Variants in SETX observed in about 807,000 individuals in gnomAD.
The protein encoded by SETX is helicase senataxin.
SETX carries 90 observed loss-of-function variants against 227.2 expected under a neutral mutation model. That is an observed-to-expected ratio of 0.40 (90% CI 0.33 to 0.47). SETX has a LOEUF of 0.47. Among genes scored for constraint, SETX ranks in the 20% least tolerant of loss-of-function variants. SETX has a pLI of 0.91. For synonymous variants in SETX, 1,210 were observed against 1,113.2 expected (o/e 1.09, Z -1.73); for missense variants, 3,052 against 3,181.5 (o/e 0.96, Z 0.98).
intron 10 of SETX, among the ~76,000 whole-genome samples, chr9:132,315,112 CAA>C (rs1845894650): frequency 6.6e-6 from 1 of 151,876 alleles, no homozygotes; most frequent in South Asian, 2.1e-4. Context: ...AGGGTTTCAC[CAA>C]AGTTGGCCAG....
intron 15 of SETX, among the ~76,000 whole-genome samples, chr9:132,290,574 CAAAAAAAAAAAAA>C (rs59954158): frequency 2.2e-5 from 1 of 44,722 alleles, no homozygotes; most frequent in African/African-American, 5.8e-5. Context: ...GACTCCGTCT[CAAAAAAAAAAAAA>C]AAAAAAAAAA....
intron 11 of SETX, among the ~76,000 whole-genome samples, chr9:132,302,178 A>C (rs1344250070): frequency 6.6e-6 from 1 of 151,730 alleles, no homozygotes; most frequent in Non-Finnish European, 1.5e-5. Context: ...CAACACGGTG[A>C]AACCCCGTCT....
chr9:132,280,876 T>C (rs970574773), intron 20 of SETX, among the ~76,000 whole-genome samples: 3 of 152,206 alleles, frequency 2.0e-5, no homozygotes, highest in African/African-American at 7.2e-5. Context: ...AGTCTGGTTC[T>C]TCTCTTCCCA....
At chr9:132,283,092 G>A (rs1346038784) in intron 19 of SETX, 172 bp downstream of exon 19, 1 of 800,480 alleles carries the variant, frequency 1.2e-6, no homozygotes, top group African/African-American at 1.7e-5. Flanking sequence ...CTTTCACTAT[G>A]GAGGGTCATT....
chr9:132,281,249 C>T (rs529278500), intron 20 of SETX, among the ~76,000 whole-genome samples: 98 of 152,250 alleles, frequency 6.4e-4, no homozygotes, highest in Middle Eastern at 3.4e-3. Context: ...GTCCCTGCCA[C>T]ACTGCTTCTG....
intron 15 of SETX, among the ~76,000 whole-genome samples, chr9:132,295,552 T>C (rs1471286220): frequency 6.6e-6 from 1 of 152,164 alleles, no homozygotes; most frequent in Non-Finnish European, 1.5e-5. Flanking sequence ...CTCACACAAC[T>C]GAATCAGGGT....
At chr9:132,271,155 T>C (rs1842881120) in intron 24 of SETX, among the ~76,000 whole-genome samples, 1 of 152,164 alleles carries the variant, frequency 6.6e-6, no homozygotes, top group Non-Finnish European at 1.5e-5. Flanking sequence ...CAGAAAACAA[T>C]GACACTTTGA....
intron 23 of SETX, 81 bp from the exon 24 acceptor site, chr9:132,271,889 T>G (rs1019032401): frequency 1.9e-5 from 16 of 824,822 alleles, no homozygotes; most frequent in South Asian, 3.6e-5. Context: ...AGTTTTTTGG[T>G]TTTTTTTTTT....
chr9:132,272,625 C>T (rs915158280), intron 23 of SETX, among the ~76,000 whole-genome samples: 2 of 152,156 alleles, frequency 1.3e-5, no homozygotes, highest in African/African-American at 4.8e-5. Context: ...ATTTTAAAAA[C>T]ATTTTCTTGG....
chr9:132,328,456 G>T lies in SETX; in HGVS notation c.3142C>A (p.Gln1048Lys). The change falls in exon 10 of 26, where the codon CAG becomes AAG. Residue 1048 changes from glutamine to lysine, a missense_variant. By Grantham distance (53) the Gln-to-Lys change is moderately conservative. Coordinates refer to ENST00000224140, the MANE Select transcript of SETX (RefSeq NM_015046.7). ...KICLEREHPE[Q>K]HVSTVNSKEE... ...TTACTATTAACTGTTGAAACGTGCT[G>T]CTCTGGATGTTCCCTCTCAAGGCAT... 1 of 1,613,666 alleles carries T rather than the reference G, an allele frequency of 6.2e-7. No individual in the cohort carries two copies. The highest frequency in any genetic ancestry group is 8.5e-7 in the Non-Finnish European group (1 of 1,179,952).
intron 5 of SETX, among the ~76,000 whole-genome samples, chr9:132,342,051 C>T (rs112397758): frequency 6.6e-6 from 1 of 151,970 alleles, no homozygotes; most frequent in Non-Finnish European, 1.5e-5. Flanking sequence ...TTTTAAAAAA[C>T]GTAATTTTTC....
intron 12 of SETX, among the ~76,000 whole-genome samples, chr9:132,299,647 A>G (rs879451314): frequency 6.6e-6 from 1 of 152,232 alleles, no homozygotes; most frequent in Non-Finnish European, 1.5e-5. Flanking sequence ...GCAATTGCCA[A>G]AAAGGCAGTT....
At chr9:132,309,269 C>A (rs1002667201) in intron 11 of SETX, among the ~76,000 whole-genome samples, 2 of 152,072 alleles carry the variant, frequency 1.3e-5, no homozygotes, top group South Asian at 4.1e-4. Context: ...TCAAGAAGAA[C>A]AGACTGATGC....
At chr9:132,282,312 T>G (rs970153157) in intron 19 of SETX, among the ~76,000 whole-genome samples, 5 of 151,360 alleles carry the variant, frequency 3.3e-5, no homozygotes, top group South Asian at 2.1e-4. Flanking sequence ...TTTTTTTTTT[T>G]TGAGAGAGAG....
At chr9:132,348,493 T>G (rs1848435274) in intron 3 of SETX, among the ~76,000 whole-genome samples, 1 of 152,140 alleles carries the variant, frequency 6.6e-6, no homozygotes, top group Non-Finnish European at 1.5e-5. Flanking sequence ...ATGACTTTAT[T>G]TCATTAAATT....
chr9:132,346,579 T>C (rs1848305680), intron 3 of SETX, 108 bp from the exon 4 acceptor site: 4 of 783,916 alleles, frequency 5.1e-6, no homozygotes, highest in Non-Finnish European at 8.5e-6. Flanking sequence ...TTCTGAAATG[T>C]AAAGTATTAG....
intron 3 of SETX, 127 bp from the exon 4 acceptor site, chr9:132,346,598 TTTTAGA>T (rs960787792): frequency 2.0e-5 from 14 of 708,866 alleles, no homozygotes; most frequent in Admixed American, 2.5e-5. Flanking sequence ...AGAGCTTGTA[TTTTAGA>T]TTTAAAGAAA....
At chr9:132,325,147 G>A (rs768852837) in intron 10 of SETX, among the ~76,000 whole-genome samples, 1 of 151,928 alleles carries the variant, frequency 6.6e-6, no homozygotes, top group East Asian at 1.9e-4. Flanking sequence ...ACAAGGTCAG[G>A]AGATTGAGAC....
At chr9:132,336,741 TTAAG>T (rs1227748496) in intron 5 of SETX, among the ~76,000 whole-genome samples, 6 of 152,212 alleles carry the variant, frequency 3.9e-5, no homozygotes, top group Non-Finnish European at 7.4e-5. Flanking sequence ...CAAGACAACA[TTAAG>T]TAATTATTCT....
Sources: gnomAD v4.1 joint callset for allele counts (sites outside exome capture counted in the v4.1 genomes callset) on GRCh38, gnomAD v4.1.1 for gene constraint, MANE v1.5 for transcripts, NCBI Gene and HGNC (gene_info 2026-07-23, HGNC 2026-07-21) for gene names.